The following NINJ2 variants were observed in gnomAD, a reference collection of about 807,000 sequenced individuals.
NINJ2 encodes the protein ninjurin 2.
In NINJ2, 12 loss-of-function variants were observed where a neutral mutation model predicts 11.7. The observed-to-expected ratio is 1.02, with a 90% CI of 0.66 to 1.66. NINJ2 has a LOEUF of 1.66. Among genes scored for constraint, NINJ2 ranks in the 40% most tolerant of loss-of-function variants. The pLI, the probability that NINJ2 is intolerant of heterozygous loss-of-function variation, is 0.00. For synonymous variants in NINJ2, 93 were observed against 76.8 expected, an observed-to-expected ratio of 1.21 and a Z score of -1.10; for missense variants, 187 against 181.8, an observed-to-expected ratio of 1.03 and a Z score of -0.16.
chr12:616,361 A>G (rs1243533923), intron 1 of NINJ2, among the ~76,000 whole-genome samples: 1 of 152,256 alleles, frequency 6.6e-6, no homozygotes, highest in Non-Finnish European at 1.5e-5. Flanking sequence ...ATACCTCATG[A>G]CTTCTTGCAT....
Position 623,163 on chromosome 12 carries a change from G to T in NINJ2, c.33+40165C>A, listed in dbSNP as rs899361065. ...TCTGGGCAGCTGGTGCAAGGTGAAT[G>T]GAAGCAAGATAGGGGCTCAGGAACA... is the stretch of plus-strand genomic sequence containing the variant. On this transcript the variant is annotated intron_variant, in intron 1 of 3. Transcript: ENST00000305108. Among the ~76,000 whole-genome samples the T allele has an allele frequency of 8.8e-4, 134 of 152,308 alleles. 2 individuals carry two copies. Among genetic ancestry groups the T allele is most frequent in the African/African-American group, 3.0e-3 (124 of 41,540 alleles).
intron 1 of NINJ2, among the ~76,000 whole-genome samples, chr12:621,830 AAAG>A (rs1948156384): frequency 6.6e-6 from 1 of 150,982 alleles, no homozygotes; most frequent in Admixed American, 6.6e-5. Context: ...AAAAAAAAAA[AAAG>A]AGAGAGAAAG....
At chr12:625,360 G>T (rs965710773) in intron 1 of NINJ2, among the ~76,000 whole-genome samples, 1 of 152,100 alleles carries the variant, frequency 6.6e-6, no homozygotes, top group Admixed American at 6.6e-5. Context: ...CAGAGAGAAG[G>T]TCAGAAAGCC....
Position 566,097 on chromosome 12 carries a change from C to T in NINJ2, c.115G>A (p.Asp39Asn). ...GCGTTGGACATGAACAGGGCCACGT[C>T]CAGCATGCTCTCCGCCACGCTCTTC... is the stretch of plus-strand genomic sequence containing the variant. ...TKKSVAESMLDVALFMSNAMR... is the reference protein window; with the variant it reads ...TKKSVAESMLNVALFMSNAMR... Residue 39 changes from aspartate (D) to asparagine (N), a missense_variant, in exon 2 of 4, where the codon GAC (aspartate) becomes AAC (asparagine). Transcript: ENST00000305108. 1 of 1,614,210 alleles carries T rather than the reference C, an allele frequency of 6.2e-7. No homozygotes were observed. Among genetic ancestry groups the T allele is most frequent in the East Asian group, 2.2e-5 (1 of 44,888 alleles).
intron 1 of NINJ2, among the ~76,000 whole-genome samples, chr12:588,429 G>A (rs562907303): frequency 3.3e-5 from 5 of 152,260 alleles, no homozygotes; most frequent in Admixed American, 1.3e-4. Context: ...AATAATAATA[G>A]CATATACACT....
At chr12:610,926 G>A (rs1267712742) in intron 1 of NINJ2, among the ~76,000 whole-genome samples, 1 of 151,746 alleles carries the variant, frequency 6.6e-6, no homozygotes, top group Non-Finnish European at 1.5e-5. Flanking sequence ...GTAGAGACGG[G>A]GTTTCACCAT....
chr12:632,824 T>C (rs1210312910), intron 1 of NINJ2, among the ~76,000 whole-genome samples: 1 of 152,082 alleles, frequency 6.6e-6, no homozygotes, highest in Non-Finnish European at 1.5e-5. Context: ...TTTGTAAAAA[T>C]GAGGAAACTG....
chr12:579,281 C>T (rs1172309391), intron 1 of NINJ2, among the ~76,000 whole-genome samples: 1 of 151,958 alleles, frequency 6.6e-6, no homozygotes, highest in Admixed American at 6.6e-5. Context: ...ATTTCCCACC[C>T]CACCCAGCCC....
At chr12:624,262 T>C (rs765530923) in intron 1 of NINJ2, among the ~76,000 whole-genome samples, 6 of 152,224 alleles carry the variant, frequency 3.9e-5, no homozygotes, top group African/African-American at 1.4e-4. Context: ...CAAAGGAAGA[T>C]TGGCAGGGAA....
At chr12:662,599 C>T (rs1428021500) in intron 1 of NINJ2, among the ~76,000 whole-genome samples, 1 of 152,170 alleles carries the variant, frequency 6.6e-6, no homozygotes, top group Non-Finnish European at 1.5e-5. Flanking sequence ...GTTACACAGC[C>T]TCAGCAGTGG....
At chr12:567,215 G>C (rs1947312506) in intron 1 of NINJ2, among the ~76,000 whole-genome samples, 1 of 152,176 alleles carries the variant, frequency 6.6e-6, no homozygotes, top group Non-Finnish European at 1.5e-5. Flanking sequence ...TGACAGGACA[G>C]ATACCTGCAG....
intron 1 of NINJ2, among the ~76,000 whole-genome samples, chr12:642,162 ATACT>A (rs954013855): frequency 2.4e-4 from 37 of 152,238 alleles, no homozygotes; most frequent in African/African-American, 8.7e-4. Flanking sequence ...GCGGTTAATA[ATACT>A]TACACAGTGG....
chr12:639,257 C>G (rs1948391879), intron 1 of NINJ2, among the ~76,000 whole-genome samples: 1 of 152,122 alleles, frequency 6.6e-6, no homozygotes, highest in Non-Finnish European at 1.5e-5. Flanking sequence ...ATAGGACTTG[C>G]CACAATACTA....
At chr12:577,437 A>ATGTATATATATATATATACATATATATG (rs1172123837) in intron 1 of NINJ2, among the ~76,000 whole-genome samples, 1 of 138,620 alleles carries the variant, frequency 7.2e-6, no homozygotes, top group Non-Finnish European at 1.6e-5. Context: ...ATACATATAT[A>ATGTATATATATATATATACATATATATG]TATATAAATA....
rs1401890770 is a variant in NINJ2, at chr12:580,001, G to T, written c.34-13823C>A. On this transcript the variant is annotated intron_variant, in intron 1 of 3. Coordinates refer to ENST00000305108, the MANE Select transcript of NINJ2 (RefSeq NM_016533.6). This position sits in a 1 kb window ranked among gnomAD's most constrained non-coding sequence, Gnocchi z 4.7. ...GGGCTGGGAAGACAGGAGCTGCTGG[G>T]GCCTCTGGCTGCTGGTTCAAAAGAC... Among the ~76,000 whole-genome samples the T allele has an allele frequency of 6.6e-6, 1 of 152,184 alleles. No individual in the cohort carries two copies. Among genetic ancestry groups the T allele is most frequent in the African/African-American group, 2.4e-5 (1 of 41,430 alleles).
chr12:589,877 G>T (rs2120869052), intron 1 of NINJ2, among the ~76,000 whole-genome samples: 1 of 152,226 alleles, frequency 6.6e-6, no homozygotes, highest in Admixed American at 6.5e-5. Context: ...TTCCTCCGTG[G>T]GGTGAGGCAG....
At position 614,408 on chromosome 12, in the gene NINJ2, A is replaced by G. The variant is rs1295612718; in HGVS notation, c.34-48230T>C. On this transcript the variant is annotated intron_variant, in intron 1 of 3. Coordinates refer to ENST00000305108, the MANE Select transcript of NINJ2 (RefSeq NM_016533.6). The surrounding 1 kb of genome is among the most constrained non-coding windows in gnomAD (Gnocchi z 5.1). ...TGGTGGCAGAACAAAATGTTTGGAGATGGAATCTAGATGATCATCTGTGCG... is the reference window on the plus strand; with the variant it reads ...TGGTGGCAGAACAAAATGTTTGGAGGTGGAATCTAGATGATCATCTGTGCG... Among the ~76,000 whole-genome samples the G allele has an allele frequency of 6.6e-6, 1 of 151,820 alleles. No individual in the cohort carries two copies. Among genetic ancestry groups the G allele is most frequent in the Non-Finnish European group, 1.5e-5 (1 of 67,978 alleles).
intron 1 of NINJ2, among the ~76,000 whole-genome samples, chr12:588,146 TGGCGGAAGGAAGGGAAGG>T (rs1286603308): frequency 2.0e-3 from 290 of 142,952 alleles, no homozygotes; most frequent in African/African-American, 7.5e-3. Context: ...GACAGCAAAA[TGGCGGAAGGAAGGGAAGG>T]GACGGAAGGG....
chr12:566,481 C>T (rs1221770510), intron 1 of NINJ2, among the ~76,000 whole-genome samples: 2 of 152,194 alleles, frequency 1.3e-5, no homozygotes, highest in Non-Finnish European at 2.9e-5. Flanking sequence ...TGGTAAAATG[C>T]ACCTTCCTCA....
Sources: gnomAD v4.1 joint callset for allele counts (sites outside exome capture counted in the v4.1 genomes callset) on GRCh38, gnomAD v4.1.1 for gene constraint, Gnocchi (gnomAD v3.1) non-coding constraint, MANE v1.5 for transcripts, NCBI Gene and HGNC (gene_info 2026-07-23, HGNC 2026-07-21) for gene names.